The following RASGEF1A variants were observed in gnomAD, a reference collection of about 807,000 sequenced individuals.
The protein encoded by RASGEF1A is RasGEF domain family member 1A.
A neutral mutation model predicts 56.4 loss-of-function variants in RASGEF1A; 18 were observed. The observed-to-expected ratio is 0.32, with a 90% confidence interval of 0.22 to 0.47. RASGEF1A has a LOEUF of 0.47. RASGEF1A is among the 20% of genes least tolerant of loss of function. The pLI, the probability that RASGEF1A is intolerant of heterozygous loss-of-function variation, is 1.00. For synonymous variants in RASGEF1A, 245 were observed against 242.6 expected (o/e 1.01, Z -0.09); for missense variants, 422 against 627.1 (o/e 0.67, Z 3.49).
intron 1 of RASGEF1A, among the ~76,000 whole-genome samples, chr10:43,217,975 C>T (rs1840159406): frequency 1.3e-5 from 2 of 152,156 alleles, no homozygotes; most frequent in African/African-American, 4.8e-5. Flanking sequence ...AGCTGCAGGC[C>T]CAGGCTGGAT....
chr10:43,262,853 G>T (rs564477631), intron 1 of RASGEF1A, among the ~76,000 whole-genome samples: 1 of 152,206 alleles, frequency 6.6e-6, no homozygotes. Flanking sequence ...ATGGTGGCCC[G>T]GCCCACAGAG....
chr10:43,207,334 T>TG, intron 1 of RASGEF1A: 11 of 985,830 alleles, frequency 1.1e-5, no homozygotes, highest in Non-Finnish European at 1.3e-5. Flanking sequence ...CGTGGGCCTC[T>TG]GCCCTGTAGG....
rs1312877511 is a variant in RASGEF1A, at chr10:43,230,429, ACCCC to A, written c.-6-24311_-6-24308del. Among the ~76,000 whole-genome samples, 36 of 152,166 alleles carry A rather than the reference ACCCC, an allele frequency of 2.4e-4. 1 individual carries two copies. The East Asian group carries it at 5.8e-3, about 25-fold the overall frequency. The stretch of plus-strand genomic sequence containing the variant: ...AAGGAATCTGCCAGGTGATGGGGCT[ACCCC>A]TCTGCGCATTCCTGTGGTGGACCCC... On this transcript the variant is annotated intron_variant, in intron 1 of 12. Coordinates refer to ENST00000395810, the MANE Select transcript of RASGEF1A (RefSeq NM_145313.4).
chr10:43,197,880 A>G, intron 10 of RASGEF1A, 124 bp downstream of exon 10: 1 of 784,866 alleles, frequency 1.3e-6, no homozygotes, highest in Non-Finnish European at 2.1e-6. Flanking sequence ...TCAGTCTTGA[A>G]GGCCCTTGTG....
intron 1 of RASGEF1A, among the ~76,000 whole-genome samples, chr10:43,262,211 G>A (rs939950441): frequency 5.3e-5 from 8 of 152,098 alleles, no homozygotes; most frequent in Admixed American, 1.3e-4. Flanking sequence ...ATCAGAACGC[G>A]CCCCCTCTCC....
At chr10:43,257,715 G>A (rs896736521) in intron 1 of RASGEF1A, among the ~76,000 whole-genome samples, 7 of 152,212 alleles carry the variant, frequency 4.6e-5, no homozygotes, top group Admixed American at 3.9e-4. Context: ...ACATTCTCCA[G>A]AGCCAGCCCT....
At position 43,253,949 on chromosome 10, in the gene RASGEF1A, C is replaced by T. The variant is rs867282154; in HGVS notation, c.-7+12896G>A. ...TGGCCACAGGCACAGACCACAGGGG[C>T]AGGACCCCTCTAGGGCTCACCCGGC... On this transcript the variant is annotated intron_variant, in intron 1 of 12. Transcript: ENST00000395810. Among the ~76,000 whole-genome samples, 3 of 152,360 alleles carry T rather than the reference C, an allele frequency of 2.0e-5. No homozygotes were observed. The South Asian group carries it at 6.2e-4, about 32-fold the overall frequency.
intron 1 of RASGEF1A, among the ~76,000 whole-genome samples, chr10:43,218,267 C>T (rs2133200236): frequency 6.8e-6 from 1 of 147,772 alleles, no homozygotes; most frequent in African/African-American, 2.7e-5. Flanking sequence ...CTGGGTCCTT[C>T]TCACCTCCCA....
chr10:43,207,442 A>ACACT (rs1840012917), intron 1 of RASGEF1A: 1 of 937,734 alleles, frequency 1.1e-6, no homozygotes, highest in Non-Finnish European at 1.3e-6. Context: ...ACACACACAC[A>ACACT]CAGCACGTCC....
intron 1 of RASGEF1A, among the ~76,000 whole-genome samples, chr10:43,265,310 C>G (rs1210958419): frequency 6.6e-6 from 1 of 152,244 alleles, no homozygotes; most frequent in Non-Finnish European, 1.5e-5. Flanking sequence ...CAGGCCAAGG[C>G]ACACCTGGGA....
At chr10:43,233,402 A>C (rs1840396202) in intron 1 of RASGEF1A, among the ~76,000 whole-genome samples, 1 of 152,196 alleles carries the variant, frequency 6.6e-6, no homozygotes, top group African/African-American at 2.4e-5. Flanking sequence ...TCATATCCAA[A>C]ATATATAAAG....
intron 1 of RASGEF1A, among the ~76,000 whole-genome samples, chr10:43,247,208 C>T (rs61580559): frequency 0.026 from 3,985 of 152,264 alleles, 148 homozygotes; most frequent in African/African-American, 0.086. Flanking sequence ...CAAATCAAAA[C>T]CACAAGGAGA....
At position 43,196,940 on chromosome 10, in the gene RASGEF1A, G is replaced by A. The variant is rs758066617; in HGVS notation, c.1348+36C>T. The A allele has an allele frequency of 1.4e-5, 23 of 1,608,426 alleles. No individual in the cohort carries two copies. Among genetic ancestry groups the A allele is most frequent in the Non-Finnish European group, 1.0e-5 (12 of 1,178,158 alleles). The stretch of plus-strand genomic sequence containing the variant: ...CGGGCCTGGACAAGGAGTCAGGTGG[G>A]GTGGGAGGCATGCTGCGTTGGGAGG... On this transcript the variant is annotated intron_variant, in intron 11 of 12. Transcript: ENST00000395810. The surrounding 1 kb of genome is among the most constrained non-coding windows in gnomAD (Gnocchi z 4.6).
chr10:43,264,015 T>C lies in RASGEF1A; in HGVS notation c.-7+2830A>G, dbSNP rs997337689. On this transcript the variant is annotated intron_variant, in intron 1 of 12. Coordinates refer to ENST00000395810, the MANE Select transcript of RASGEF1A (RefSeq NM_145313.4). ...GTGCCTGGAGCAGCCTCTACCAGCCTGTCCCAGGTGGTGAGCCCTGAGGCC... is the reference window on the plus strand; with the variant it reads ...GTGCCTGGAGCAGCCTCTACCAGCCCGTCCCAGGTGGTGAGCCCTGAGGCC... Among the ~76,000 whole-genome samples the C allele has an allele frequency of 5.3e-5, 8 of 152,172 alleles. No homozygotes were observed. In the South Asian group the frequency reaches 8.3e-4, roughly 16 times the overall value.
At chr10:43,207,247 TC>T in intron 1 of RASGEF1A, 1 of 985,504 alleles carries the variant, frequency 1.0e-6, no homozygotes, top group Non-Finnish European at 1.2e-6. Flanking sequence ...AGCGAGACCC[TC>T]CTGCCATTTT....
chr10:43,196,669 C>G lies in RASGEF1A; in HGVS notation c.1349-121G>C. The G allele has an allele frequency of 1.0e-6, 1 of 963,734 alleles. No individual in the cohort carries two copies. Among genetic ancestry groups the G allele is most frequent in the Non-Finnish European group, 1.6e-6 (1 of 614,764 alleles). The allele number at this position is 963,734 out of a possible 1,614,324, so 59.7% of individuals were successfully genotyped here. On this transcript the variant is annotated intron_variant, in intron 11 of 12. Transcript: ENST00000395810. The surrounding 1 kb of genome is among the most constrained non-coding windows in gnomAD (Gnocchi z 4.6). Reference sequence around the variant, plus strand: ...CAGTGACCTCTGGCTGGGCTGAACACAGTTCTCTGCTGTGCGGGGCTCTCA... The same window carrying G: ...CAGTGACCTCTGGCTGGGCTGAACAGAGTTCTCTGCTGTGCGGGGCTCTCA...
intron 2 of RASGEF1A, among the ~76,000 whole-genome samples, chr10:43,204,507 A>G (rs1484004049): frequency 6.6e-6 from 1 of 152,210 alleles, no homozygotes; most frequent in Non-Finnish European, 1.5e-5. Flanking sequence ...CTAAGGAGAC[A>G]ACTAAGACGT....
chr10:43,226,346 C>T (rs1031219727), intron 1 of RASGEF1A, among the ~76,000 whole-genome samples: 7 of 152,176 alleles, frequency 4.6e-5, no homozygotes, highest in African/African-American at 1.7e-4. Flanking sequence ...GAGGCTGAGG[C>T]AGGAGAATTG....
intron 1 of RASGEF1A, among the ~76,000 whole-genome samples, chr10:43,229,991 G>T (rs907133844): frequency 2.0e-5 from 3 of 151,984 alleles, no homozygotes; most frequent in African/African-American, 7.2e-5. Flanking sequence ...TAGGTGTGGG[G>T]GCGCCGTAGG....
Sources: allele counts gnomAD v4.1 joint callset (sites outside exome capture counted in the v4.1 genomes callset), GRCh38; gene constraint gnomAD v4.1.1; non-coding constraint Gnocchi (gnomAD v3.1); transcripts MANE v1.5; gene names NCBI Gene and HGNC (gene_info 2026-07-23, HGNC 2026-07-21).